The following WDR35 variants were observed in gnomAD, a reference collection of about 807,000 sequenced individuals.
The protein encoded by WDR35 is WD repeat-containing protein 35.
A neutral mutation model predicts 158.3 loss-of-function variants in WDR35; 118 were observed. The observed-to-expected ratio is 0.75, with a 90% CI of 0.64 to 0.87. WDR35 has a LOEUF of 0.87. Ranked by LOEUF, WDR35 falls within the 40% of genes least tolerant of loss-of-function variation. The pLI is 0.00. For synonymous variants in WDR35, 448 were observed against 476.1 expected (o/e 0.94, Z 0.77); for missense variants, 1,263 against 1,405.8 (o/e 0.90, Z 1.62).
chr2:19,974,559 G>A lies in WDR35; in HGVS notation c.645C>T (p.Gly215=), dbSNP rs1452705050. The change falls in exon 7 of 27, where the codon GGC becomes GGT. Residue 215 remains glycine (G), a synonymous_variant. Transcript: ENST00000281405. The stretch of plus-strand genomic sequence containing the variant: ...AATCAGGCTCCACGTAGCCTTCTGT[G>A]CCATGGTACCAATGAATTCCAGCAA... ...ISIAGIHWYH[G]TEGYVEPDCP... is the part of the protein sequence containing the mutation. 2 of 1,613,548 alleles carry A rather than the reference G, an allele frequency of 1.2e-6. No homozygotes were observed. Among genetic ancestry groups the A allele is most frequent in the Non-Finnish European group, 1.7e-6 (2 of 1,179,726 alleles).
At chr2:19,961,977 T>TA (rs1671676357) in intron 10 of WDR35, among the ~76,000 whole-genome samples, 1 of 152,136 alleles carries the variant, frequency 6.6e-6, no homozygotes, top group African/African-American at 2.4e-5. Flanking sequence ...TTCCTAATCT[T>TA]AAAAAATCCT....
At chr2:19,952,367 G>A (rs1671266680) in intron 12 of WDR35, among the ~76,000 whole-genome samples, 1 of 152,122 alleles carries the variant, frequency 6.6e-6, no homozygotes, top group Non-Finnish European at 1.5e-5. Context: ...ATAAATGTTG[G>A]CTGTTATCAC....
chr2:19,971,985 C>T (rs1672049319), intron 8 of WDR35, among the ~76,000 whole-genome samples: 1 of 152,316 alleles, frequency 6.6e-6, no homozygotes, highest in Admixed American at 6.5e-5. Context: ...CTACGTCAAA[C>T]TACACTGTGG....
At chr2:19,945,342 T>C (rs1671012317) in intron 16 of WDR35, among the ~76,000 whole-genome samples, 1 of 152,090 alleles carries the variant, frequency 6.6e-6, no homozygotes, top group Non-Finnish European at 1.5e-5. Flanking sequence ...AATGTAAATA[T>C]AAATAAGACA....
At chr2:19,924,838 A>G (rs77026681) in intron 25 of WDR35, among the ~76,000 whole-genome samples, 12,687 of 152,276 alleles carry the variant, frequency 0.083, 751 homozygotes, top group East Asian at 0.23. Flanking sequence ...ATACTAAAAA[A>G]GAATGTAGAA....
intron 8 of WDR35, among the ~76,000 whole-genome samples, chr2:19,972,398 G>A (rs1245571019): frequency 6.6e-6 from 1 of 152,086 alleles, no homozygotes; most frequent in Non-Finnish European, 1.5e-5. Context: ...ACCTGGGGAA[G>A]GCTGAACTAA....
intron 12 of WDR35, 128 bp downstream of exon 12, chr2:19,953,706 A>G: frequency 2.4e-6 from 3 of 1,239,964 alleles, no homozygotes; most frequent in Non-Finnish European, 3.4e-6. Flanking sequence ...AAGATAATCA[A>G]ATTAATTGAA....
At chr2:19,975,037 T>C (rs563935247) in intron 6 of WDR35, among the ~76,000 whole-genome samples, 1 of 152,320 alleles carries the variant, frequency 6.6e-6, no homozygotes, top group African/African-American at 2.4e-5. Flanking sequence ...AGCCAGAATT[T>C]TTCTCCAGAT....
At chr2:19,940,400 T>G (rs538675569) in intron 17 of WDR35, among the ~76,000 whole-genome samples, 1 of 151,804 alleles carries the variant, frequency 6.6e-6, no homozygotes, top group Admixed American at 6.6e-5. Context: ...TTCACACGTG[T>G]GGAAAAGGAA....
rs727504222 is a variant in WDR35, at chr2:19,931,348, A to C, written c.2885T>G (p.Leu962Arg). The C allele has an allele frequency of 6.2e-7, 1 of 1,613,382 alleles. No individual in the cohort carries two copies. The highest frequency in any genetic ancestry group is 8.5e-7 in the Non-Finnish European group (1 of 1,179,724). ...GTATTGCTCTATAAGTAAGGCTGAC[A>C]GTACATAGAGCTTCTTGACACGTAA... is the stretch of plus-strand genomic sequence containing the variant. The part of the protein sequence containing the change: ...KPLRVKKLYV[L>R]SALLIEQYHE... Residue 962 changes from leucine to arginine, a missense_variant, in exon 24 of 27, where the codon CTG (leucine) becomes CGG (arginine). Transcript: ENST00000281405.
At chr2:19,963,376 T>C (rs1671731399) in intron 10 of WDR35, among the ~76,000 whole-genome samples, 1 of 152,106 alleles carries the variant, frequency 6.6e-6, no homozygotes, top group African/African-American at 2.4e-5. Flanking sequence ...AATTGTATTT[T>C]TTCTCTTTGA....
intron 11 of WDR35, 127 bp from the exon 12 acceptor site, chr2:19,954,105 C>T: frequency 1.0e-6 from 1 of 1,002,240 alleles, no homozygotes; most frequent in South Asian, 1.4e-5. Context: ...CACATAGTCT[C>T]AAAATACCCA....
At chr2:19,962,079 A>C (rs1479595243) in intron 10 of WDR35, among the ~76,000 whole-genome samples, 1 of 152,148 alleles carries the variant, frequency 6.6e-6, no homozygotes, top group Non-Finnish European at 1.5e-5. Flanking sequence ...TTAGGGATGG[A>C]CTAAATATCT....
chr2:19,921,922 A>G (rs1262943835), intron 25 of WDR35, among the ~76,000 whole-genome samples: 3 of 152,268 alleles, frequency 2.0e-5, no homozygotes, highest in Non-Finnish European at 4.4e-5. Flanking sequence ...ATATGAACAG[A>G]AACTTTTCAA....
In WDR35 at chr2:19,973,724, A is replaced by C; in HGVS notation, c.737-16T>G. 6.2e-7 allele frequency: 1 copy of C among 1,609,182 alleles called. No individual in the cohort carries two copies. On this transcript the variant is annotated splice_polypyrimidine_tract_variant and intron_variant, in intron 7 of 26. Transcript: ENST00000281405. Reference sequence around the variant, plus strand: ...AAAACGGGATCTAGTCAGAAAGAGAAAAATGAGGTCACTGTGGGAAAATAC... The same window carrying C: ...AAAACGGGATCTAGTCAGAAAGAGACAAATGAGGTCACTGTGGGAAAATAC...
intron 25 of WDR35, among the ~76,000 whole-genome samples, chr2:19,926,665 T>C (rs1487579788): frequency 6.7e-6 from 1 of 149,104 alleles, no homozygotes; most frequent in Non-Finnish European, 1.5e-5. Context: ...TGCCAGATGT[T>C]ATCAGCAGCT....
chr2:19,954,550 C>G (rs987219840), intron 11 of WDR35, among the ~76,000 whole-genome samples: 4 of 152,048 alleles, frequency 2.6e-5, no homozygotes, highest in Non-Finnish European at 4.4e-5. Flanking sequence ...ACACAAATGG[C>G]CAATAAGCAC....
At chr2:19,938,119 ATC>A (rs1282015149) in intron 18 of WDR35, 144 bp downstream of exon 18, 2 of 1,409,782 alleles carry the variant, frequency 1.4e-6, no homozygotes, top group Non-Finnish European at 2.0e-6. Flanking sequence ...GGACTTCCAA[ATC>A]TAAATGAATT....
At chr2:19,923,973 C>G (rs1255988167) in intron 25 of WDR35, among the ~76,000 whole-genome samples, 1 of 152,192 alleles carries the variant, frequency 6.6e-6, no homozygotes, top group Non-Finnish European at 1.5e-5. Context: ...CTGCTCAGTT[C>G]TTACAATTTA....
Sources: allele counts gnomAD v4.1 joint callset (sites outside exome capture counted in the v4.1 genomes callset), GRCh38; gene constraint gnomAD v4.1.1; transcripts MANE v1.5; gene names NCBI Gene and HGNC (gene_info 2026-07-23, HGNC 2026-07-21).